Variants in TYW1 observed in about 807,000 individuals in gnomAD.
TYW1 encodes the protein S-adenosyl-L-methionine-dependent tRNA 4-demethylwyosine synthase TYW1.
TYW1 carries 46 observed loss-of-function variants against 96.2 expected under a neutral mutation model. That is an observed-to-expected ratio of 0.48 (90% CI 0.38 to 0.61). The LOEUF is 0.61. Ranked by LOEUF, TYW1 falls within the 20% of genes least tolerant of loss-of-function variation. TYW1 has a pLI of 0.00. For synonymous variants in TYW1, 274 were observed against 323.0 expected (o/e 0.85, Z 1.63); for missense variants, 684 against 909.6 (o/e 0.75, Z 3.19).
intron 15 of TYW1, among the ~76,000 whole-genome samples, chr7:67,198,550 CAAA>C (rs35164931): frequency 1.5e-5 from 2 of 133,658 alleles, no homozygotes; most frequent in Admixed American, 7.4e-5. Flanking sequence ...GACTCCATCT[CAAA>C]AAAAAAAAAA....
At chr7:67,161,607 A>G (rs1799164669) in intron 13 of TYW1, among the ~76,000 whole-genome samples, 1 of 152,112 alleles carries the variant, frequency 6.6e-6, no homozygotes, top group South Asian at 2.1e-4. Context: ...TTTTCATTTT[A>G]TCTGTGTTGC....
intron 7 of TYW1, among the ~76,000 whole-genome samples, chr7:67,046,285 T>C (rs1485166525): frequency 6.6e-6 from 1 of 152,220 alleles, no homozygotes; most frequent in East Asian, 1.9e-4. Flanking sequence ...CTGCTTGTGG[T>C]TGACTTTTTA....
At chr7:67,072,086 G>A (rs1377460423) in intron 10 of TYW1, among the ~76,000 whole-genome samples, 3 of 149,652 alleles carry the variant, frequency 2.0e-5, no homozygotes, top group East Asian at 3.9e-4. Context: ...AATCCCAGGC[G>A]CATGCAGGTG....
chr7:67,229,254 T>C (rs892270663), intron 15 of TYW1, among the ~76,000 whole-genome samples: 10 of 152,048 alleles, frequency 6.6e-5, no homozygotes, highest in African/African-American at 2.2e-4. Flanking sequence ...ATTTAGAATA[T>C]AGGCCGGGTG....
chr7:67,067,503 T>C, intron 10 of TYW1, 100 bp downstream of exon 10: 1 of 1,348,454 alleles, frequency 7.4e-7, no homozygotes, highest in South Asian at 1.3e-5. Context: ...CTCTGCTGTC[T>C]TGGTGATTAA....
intron 15 of TYW1, among the ~76,000 whole-genome samples, chr7:67,200,554 A>T (rs1486213203): frequency 6.6e-6 from 1 of 152,156 alleles, no homozygotes; most frequent in Non-Finnish European, 1.5e-5. Context: ...TGATTCAGTT[A>T]TCTCCCACCA....
intron 13 of TYW1, among the ~76,000 whole-genome samples, chr7:67,129,189 C>G (rs1797992196): frequency 6.6e-6 from 1 of 152,202 alleles, no homozygotes; most frequent in Non-Finnish European, 1.5e-5. Flanking sequence ...TAAAACCAAG[C>G]AAGTTAGGTT....
At chr7:67,012,763 A>G (rs1793857424) in intron 4 of TYW1, among the ~76,000 whole-genome samples, 1 of 152,174 alleles carries the variant, frequency 6.6e-6, no homozygotes, top group South Asian at 2.1e-4. Flanking sequence ...TTTGTTTCAT[A>G]TATGAAATTG....
chr7:67,037,527 A>C (rs1229280109), intron 7 of TYW1, among the ~76,000 whole-genome samples: 1 of 151,544 alleles, frequency 6.6e-6, no homozygotes, highest in Admixed American at 6.6e-5. Flanking sequence ...AAAAAAGATA[A>C]TCCTATCACT....
chr7:67,075,954 G>C (rs1051059756), intron 10 of TYW1, among the ~76,000 whole-genome samples: 8 of 152,200 alleles, frequency 5.3e-5, no homozygotes, highest in Non-Finnish European at 1.0e-4. Flanking sequence ...CTGTAATAAA[G>C]AAATCAATGT....
chr7:67,045,634 T>C (rs1226157457), intron 7 of TYW1, among the ~76,000 whole-genome samples: 1 of 152,264 alleles, frequency 6.6e-6, no homozygotes, highest in South Asian at 2.1e-4. Context: ...GTTTTGTGTA[T>C]TCATTGCCAT....
chr7:67,107,776 G>A (rs1370428508), intron 12 of TYW1, among the ~76,000 whole-genome samples: 1 of 151,184 alleles, frequency 6.6e-6, no homozygotes, highest in East Asian at 1.9e-4. Context: ...ATATTGGCCA[G>A]GCTGGTCTTG....
In TYW1 at chr7:67,023,813, T is replaced by C. The variant is rs186373919; in HGVS notation, c.862-1087T>C. 3.3e-5 allele frequency among the ~76,000 whole-genome samples: 5 copies of C among 152,212 alleles called. No individual in the cohort carries two copies. In the East Asian group the frequency reaches 9.7e-4, roughly 29 times the overall value. On this transcript the variant is annotated intron_variant, in intron 6 of 15. Transcript: ENST00000359626. ...CAAAGAACAAACAAAAAAATCTCTC[T>C]AACGTTTTATTCTGCCTTATCCTCA...
chr7:67,180,386 T>TATATATATATATATA (rs1799797667), intron 13 of TYW1, among the ~76,000 whole-genome samples: 1 of 111,598 alleles, frequency 9.0e-6, no homozygotes, highest in Non-Finnish European at 1.8e-5. Flanking sequence ...AGCTGTTGGT[T>TATATATATATATATA]TATATATATA....
At chr7:67,211,150 T>TTGTGTGAGTGTGTG (rs1801004085) in intron 15 of TYW1, among the ~76,000 whole-genome samples, 1 of 125,724 alleles carries the variant, frequency 8.0e-6, no homozygotes, top group Non-Finnish European at 1.7e-5. Flanking sequence ...CCCATCAACA[T>TTGTGTGAGTGTGTG]TGTGTGTGTG....
At chr7:67,117,074 G>C (rs1264079527) in intron 12 of TYW1, among the ~76,000 whole-genome samples, 1 of 152,148 alleles carries the variant, frequency 6.6e-6, no homozygotes, top group East Asian at 1.9e-4. Flanking sequence ...TTGATGGAGG[G>C]AGGTGGCCCA....
rs1801515802 is a variant in TYW1, at chr7:67,225,137, G to A, written c.1978-13171G>A. ...ACCCAGGAGGCAGAGGTTGCAGTGA[G>A]CCGAGATTGCACCACTGTACTCCAG... On this transcript the variant is annotated intron_variant, in intron 15 of 15. Coordinates refer to ENST00000359626, the MANE Select transcript of TYW1 (RefSeq NM_018264.4). 2.7e-5 allele frequency among the ~76,000 whole-genome samples: 4 copies of A among 146,366 alleles called. 1 individual carries two copies. Among genetic ancestry groups the A allele is most frequent in the African/African-American group, 1.0e-4 (4 of 39,346 alleles).
At chr7:67,014,887 G>T (rs147022874) in intron 5 of TYW1, among the ~76,000 whole-genome samples, 6,722 of 151,938 alleles carry the variant, frequency 0.044, 305 homozygotes, top group Admixed American at 0.14. Flanking sequence ...GTGCCACCAG[G>T]CTTGGCTAAT....
chr7:67,109,666 A>G (rs563313758), intron 12 of TYW1, among the ~76,000 whole-genome samples: 7 of 152,126 alleles, frequency 4.6e-5, no homozygotes, highest in African/African-American at 1.7e-4. Flanking sequence ...GGATCATTTG[A>G]GGTCAGGAGT....
Sources: gnomAD v4.1 joint callset for allele counts (sites outside exome capture counted in the v4.1 genomes callset) on GRCh38, gnomAD v4.1.1 for gene constraint, MANE v1.5 for transcripts, NCBI Gene and HGNC (gene_info 2026-07-23, HGNC 2026-07-21) for gene names.